The following MERTK variants were observed in gnomAD, a reference collection of about 807,000 sequenced individuals.
MERTK encodes tyrosine-protein kinase Mer.
In MERTK, 69 loss-of-function variants were observed where a neutral mutation model predicts 99.3. That is an observed-to-expected ratio of 0.70 (90% CI 0.57 to 0.85). MERTK has a LOEUF of 0.85. Among genes scored for constraint, MERTK ranks in the 40% least tolerant of loss-of-function variants. The pLI is 0.00. For missense variants in MERTK, 1,125 were observed against 1,249.4 expected, an observed-to-expected ratio of 0.90 and a Z score of 1.50; for synonymous variants, 426 against 467.6, an observed-to-expected ratio of 0.91 and a Z score of 1.15.
At chr2:112,013,839 C>T (rs1450457998) in intron 15 of MERTK, among the ~76,000 whole-genome samples, 3 of 141,262 alleles carry the variant, frequency 2.1e-5, no homozygotes, top group African/African-American at 2.7e-5. Context: ...ATTTATGGTA[C>T]GTTGTATAAT....
chr2:111,912,943 T>G, intron 1 of MERTK: 1 of 751,356 alleles, frequency 1.3e-6, no homozygotes, highest in Non-Finnish European at 1.6e-6. Flanking sequence ...GGCAAGTCGT[T>G]TAGCATCTGG....
chr2:111,931,587 G>A (rs1438288300), intron 2 of MERTK, among the ~76,000 whole-genome samples: 1 of 152,000 alleles, frequency 6.6e-6, no homozygotes, highest in African/African-American at 2.4e-5. Context: ...TCGGGAGACT[G>A]AGGCAGGAGA....
At chr2:111,904,717 C>T (rs952122698) in intron 1 of MERTK, among the ~76,000 whole-genome samples, 1 of 152,132 alleles carries the variant, frequency 6.6e-6, no homozygotes, top group Non-Finnish European at 1.5e-5. Flanking sequence ...TAGGTTTTCC[C>T]AATGAGGTCA....
At chr2:111,994,601 C>T (rs780113163) in intron 9 of MERTK, 197 bp downstream of exon 9, 1 of 736,718 alleles carries the variant, frequency 1.4e-6, no homozygotes, top group Non-Finnish European at 2.4e-6. Context: ...GAGACCCTGT[C>T]TCTACAAAAA....
intron 12 of MERTK, chr2:112,003,435 T>G (rs1352592313): frequency 2.7e-6 from 1 of 370,908 alleles, no homozygotes; most frequent in Non-Finnish European, 4.9e-6. Flanking sequence ...CTTTCTTCAT[T>G]GAAAAGCATG....
At chr2:111,935,633 T>C (rs1684750288) in intron 2 of MERTK, among the ~76,000 whole-genome samples, 1 of 143,332 alleles carries the variant, frequency 7.0e-6, no homozygotes, top group Admixed American at 7.1e-5. Flanking sequence ...TACTTGGTCT[T>C]GGCTCGTGTG....
intron 1 of MERTK, among the ~76,000 whole-genome samples, chr2:111,927,452 C>T (rs1244262837): frequency 1.3e-5 from 2 of 152,158 alleles, no homozygotes; most frequent in South Asian, 2.1e-4. Flanking sequence ...TAACTGAATA[C>T]TTAAATTTAA....
At chr2:111,929,693 TCTCCTGCCTCAGC>T (rs1405145499) in intron 2 of MERTK, among the ~76,000 whole-genome samples, 153 bp downstream of exon 2, 2 of 149,872 alleles carry the variant, frequency 1.3e-5, no homozygotes, top group Non-Finnish European at 3.0e-5. Context: ...TTCAAACGAT[TCTCCTGCCTCAGC>T]CTCCGGCGTA....
At chr2:111,905,010 C>A (rs1221550642) in intron 1 of MERTK, among the ~76,000 whole-genome samples, 1 of 152,236 alleles carries the variant, frequency 6.6e-6, no homozygotes, top group African/African-American at 2.4e-5. Flanking sequence ...CTCCTGCCTC[C>A]AGCCGAAGTG....
chr2:111,921,367 G>T (rs140983852), intron 1 of MERTK, among the ~76,000 whole-genome samples: 2,338 of 152,184 alleles, frequency 0.015, 53 homozygotes, highest in African/African-American at 0.044. Context: ...GGGCATGGTG[G>T]TACCTGCCTG....
chr2:112,027,745 C>T (rs1187120805), intron 18 of MERTK, among the ~76,000 whole-genome samples: 1 of 152,176 alleles, frequency 6.6e-6, no homozygotes. Flanking sequence ...TGGAGTGATA[C>T]GCAGCACACA....
chr2:111,919,305 C>T (rs372844433), intron 1 of MERTK, among the ~76,000 whole-genome samples: 2 of 152,014 alleles, frequency 1.3e-5, no homozygotes. Context: ...TGAATCTATT[C>T]CCTAAAGTAG....
chr2:111,983,399 A>G (rs966646076), intron 8 of MERTK, among the ~76,000 whole-genome samples: 3 of 152,166 alleles, frequency 2.0e-5, no homozygotes, highest in African/African-American at 4.8e-5. Context: ...TGGAAATTTC[A>G]TGGGACTTTG....
intron 1 of MERTK, among the ~76,000 whole-genome samples, chr2:111,927,877 T>A (rs1684597216): frequency 6.6e-6 from 1 of 152,008 alleles, no homozygotes; most frequent in Non-Finnish European, 1.5e-5. Context: ...GTACCCCCAG[T>A]CACCAACCCA....
At chr2:111,947,657 C>T in intron 4 of MERTK, 90 bp downstream of exon 4, 2 of 1,428,702 alleles carry the variant, frequency 1.4e-6, no homozygotes, top group Non-Finnish European at 2.0e-6. Context: ...CACTAGCAGG[C>T]AGTGGAGACA....
chr2:111,956,827 T>A (rs1171353989), intron 4 of MERTK, among the ~76,000 whole-genome samples: 2 of 152,112 alleles, frequency 1.3e-5, no homozygotes, highest in Non-Finnish European at 1.5e-5. Context: ...TTTTTCAAAT[T>A]TTTTGTAGGA....
intron 1 of MERTK, among the ~76,000 whole-genome samples, chr2:111,914,101 C>CTTTTTTT (rs765850254): frequency 7.9e-4 from 75 of 94,430 alleles, no homozygotes; most frequent in African/African-American, 9.0e-4. Context: ...TTCTTTCTTT[C>CTTTTTTT]TTTTTTTTTT....
chr2:112,002,766 G>A (rs1475761704), intron 11 of MERTK, among the ~76,000 whole-genome samples: 1 of 152,170 alleles, frequency 6.6e-6, no homozygotes, highest in African/African-American at 2.4e-5. Context: ...TTGAGGTCAG[G>A]AGTTCGAGAC....
chr2:111,932,446 G>A (rs1317339231), intron 2 of MERTK, among the ~76,000 whole-genome samples: 4 of 152,198 alleles, frequency 2.6e-5, no homozygotes, highest in Admixed American at 2.6e-4. Flanking sequence ...CTCCCAAAGT[G>A]CTGGGATTAT....
Sources: gnomAD v4.1 joint callset for allele counts (sites outside exome capture counted in the v4.1 genomes callset) on GRCh38, gnomAD v4.1.1 for gene constraint, MANE v1.5 for transcripts, NCBI Gene and HGNC (gene_info 2026-07-23, HGNC 2026-07-21) for gene names.